The following AGMO variants were observed in gnomAD, a reference collection of about 807,000 sequenced individuals.
AGMO encodes glyceryl-ether monooxygenase.
In AGMO, 75 loss-of-function variants were observed where a neutral mutation model predicts 60.2. The observed-to-expected ratio is 1.25, with a 90% CI of 1.03 to 1.51. The LOEUF (loss-of-function observed/expected upper bound fraction) is 1.51, where lower values mean the gene tolerates loss of function less well. Ranked by LOEUF, AGMO falls within the 40% of genes most tolerant of loss-of-function variation. The pLI, the probability that AGMO is intolerant of heterozygous loss-of-function variation, is 0.00. For missense variants in AGMO, 763 were observed against 525.5 expected (o/e 1.45, Z -4.42); for synonymous variants, 261 against 177.1 (o/e 1.47, Z -3.76).
chr7:15,519,020 A>G (rs1783904597), intron 3 of AGMO, among the ~76,000 whole-genome samples: 1 of 151,790 alleles, frequency 6.6e-6, no homozygotes, highest in Admixed American at 6.6e-5. Flanking sequence ...TTCCTGAAGC[A>G]TACACAAGTA....
At chr7:15,322,383 A>G (rs1245303917) in intron 12 of AGMO, among the ~76,000 whole-genome samples, 4 of 141,252 alleles carry the variant, frequency 2.8e-5, no homozygotes, top group African/African-American at 7.8e-5. Context: ...AAAGAATAAA[A>G]TAAGTTACCA....
At chr7:15,480,956 C>T (rs1050235307) in intron 3 of AGMO, among the ~76,000 whole-genome samples, 11 of 143,046 alleles carry the variant, frequency 7.7e-5, no homozygotes, top group African/African-American at 3.3e-4. Flanking sequence ...TAATTATGTT[C>T]AAGCATAATT....
At chr7:15,479,746 T>C (rs138784304) in intron 3 of AGMO, among the ~76,000 whole-genome samples, 28 of 152,276 alleles carry the variant, frequency 1.8e-4, no homozygotes, top group African/African-American at 5.8e-4. Context: ...ATGCAAGGGA[T>C]ACAAAACTGA....
intron 12 of AGMO, among the ~76,000 whole-genome samples, chr7:15,211,811 C>T (rs1051861033): frequency 6.6e-6 from 1 of 151,940 alleles, no homozygotes; most frequent in African/African-American, 2.4e-5. Context: ...AATGGAAATA[C>T]ATGCATAAAC....
In AGMO at chr7:15,286,255, C is replaced by A. The variant is rs117533317; in HGVS notation, c.1263+79259G>T. Among the ~76,000 whole-genome samples, 1,012 of 152,036 alleles carry A rather than the reference C, an allele frequency of 6.7e-3. 7 individuals are homozygous for A. The highest frequency in any genetic ancestry group is 0.011 in the Non-Finnish European group (753 of 67,932). On this transcript the variant is annotated intron_variant, in intron 12 of 12. Coordinates refer to ENST00000342526, the MANE Select transcript of AGMO (RefSeq NM_001004320.2). ...ATTAAACGAAAAAGCTTCTGCACAG[C>A]AAAAGAATTAATCATCAGAGTAAAC...
At chr7:15,315,037 A>T (rs1200374800) in intron 12 of AGMO, among the ~76,000 whole-genome samples, 1 of 152,068 alleles carries the variant, frequency 6.6e-6, no homozygotes, top group Non-Finnish European at 1.5e-5. Flanking sequence ...AAAAATGGGA[A>T]CCTAAGTCCT....
downstream of AGMO, among the ~76,000 whole-genome samples, chr7:15,198,283 G>C (rs1781188340): frequency 6.9e-6 from 1 of 144,324 alleles, no homozygotes; most frequent in Non-Finnish European, 1.5e-5. Flanking sequence ...GTGTGTTAAA[G>C]TCCTTCCAGT....
chr7:15,333,748 T>C (rs896382160), intron 12 of AGMO, among the ~76,000 whole-genome samples: 1 of 152,076 alleles, frequency 6.6e-6, no homozygotes, highest in Non-Finnish European at 1.5e-5. Flanking sequence ...TATCTTACAC[T>C]AATCTAGACA....
At chr7:15,505,460 C>T (rs1256274325) in intron 3 of AGMO, among the ~76,000 whole-genome samples, 1 of 151,962 alleles carries the variant, frequency 6.6e-6, no homozygotes, top group Non-Finnish European at 1.5e-5. Flanking sequence ...ACTAAAACTA[C>T]TCCTTGCCAC....
At chr7:15,392,772 C>G (rs1413336856) in intron 6 of AGMO, among the ~76,000 whole-genome samples, 1 of 151,824 alleles carries the variant, frequency 6.6e-6, no homozygotes, top group East Asian at 2.0e-4. Context: ...ACACTCCAGC[C>G]TGGGCGACAG....
At chr7:15,203,996 A>G (rs1365809643) in intron 12 of AGMO, among the ~76,000 whole-genome samples, 3 of 152,254 alleles carry the variant, frequency 2.0e-5, no homozygotes, top group Non-Finnish European at 4.4e-5. Flanking sequence ...TGGAATTTTT[A>G]TATATAATAA....
intron 3 of AGMO, 106 bp from the exon 4 acceptor site, chr7:15,431,214 A>G: frequency 2.7e-6 from 2 of 746,470 alleles, no homozygotes; most frequent in Non-Finnish European, 4.6e-6. Context: ...AATCTGGAAC[A>G]TCTCTGTAAA....
chr7:15,346,292 A>G (rs1201229176), intron 12 of AGMO, among the ~76,000 whole-genome samples: 4 of 152,142 alleles, frequency 2.6e-5, no homozygotes, highest in African/African-American at 9.6e-5. Flanking sequence ...GACAGATGTA[A>G]TCACTCAAAT....
intron 5 of AGMO, among the ~76,000 whole-genome samples, chr7:15,402,465 T>C (rs1327731633): frequency 6.6e-6 from 1 of 151,618 alleles, no homozygotes; most frequent in African/African-American, 2.4e-5. Context: ...CATACTTATC[T>C]AAAAAGTGTG....
At chr7:15,157,479 C>A in the AGMO span, among the ~76,000 whole-genome samples, 1 of 152,166 alleles carries the variant, frequency 6.6e-6, no homozygotes, top group South Asian at 2.1e-4. Flanking sequence ...CAGGTACATT[C>A]AAGTTTGCCT....
At chr7:15,189,743 T>C in the AGMO span, among the ~76,000 whole-genome samples, 2 of 151,900 alleles carry the variant, frequency 1.3e-5, no homozygotes, top group Non-Finnish European at 2.9e-5. Context: ...TGTCTTCTCA[T>C]GTCTTCGAGC....
chr7:15,169,445 CT>C, the AGMO span, among the ~76,000 whole-genome samples: 3 of 150,564 alleles, frequency 2.0e-5, no homozygotes, highest in Admixed American at 6.6e-5. Context: ...TTCTTTCTTT[CT>C]TTTTTTTTGA....
At chr7:15,521,786 A>C (rs1374331367) in intron 3 of AGMO, among the ~76,000 whole-genome samples, 1 of 152,208 alleles carries the variant, frequency 6.6e-6, no homozygotes, top group Non-Finnish European at 1.5e-5. Flanking sequence ...GAAAACTGGC[A>C]CAAGACAAAG....
At chr7:15,256,039 T>C (rs147122160) in intron 12 of AGMO, among the ~76,000 whole-genome samples, 99 of 152,326 alleles carry the variant, frequency 6.5e-4, no homozygotes, top group African/African-American at 2.3e-3. Flanking sequence ...AAAAGATTAT[T>C]ACAGCTAAAA....
Sources: allele counts gnomAD v4.1 joint callset (sites outside exome capture counted in the v4.1 genomes callset), GRCh38; gene constraint gnomAD v4.1.1; transcripts MANE v1.5; gene names NCBI Gene and HGNC (gene_info 2026-07-23, HGNC 2026-07-21).